Variants in TMCO1 observed in about 807,000 individuals in gnomAD.
TMCO1 encodes calcium load-activated calcium channel.
TMCO1 carries 29 observed loss-of-function variants against 29.3 expected under a neutral mutation model. The ratio of observed to expected loss-of-function variants is 0.99; its 90% CI spans 0.74 to 1.35. The LOEUF (loss-of-function observed/expected upper bound fraction) is 1.35. TMCO1 is among the 40% of genes most tolerant of loss of function. TMCO1 has a pLI of 0.00. For missense variants in TMCO1, 173 were observed against 225.5 expected, an observed-to-expected ratio of 0.77 and a Z score of 1.49; for synonymous variants, 80 against 77.1, an observed-to-expected ratio of 1.04 and a Z score of -0.20.
intron 6 of TMCO1, among the ~76,000 whole-genome samples, chr1:165,734,484 TTAAAATAAATTTCTATTC>T (rs1651291128): frequency 6.6e-6 from 1 of 152,150 alleles, no homozygotes; most frequent in Non-Finnish European, 1.5e-5. Flanking sequence ...TTTTTAATTT[TTAAAATAAATTTCTATTC>T]TTTTTTATTT....
chr1:165,748,616 C>T (rs1651888487), intron 5 of TMCO1, among the ~76,000 whole-genome samples: 1 of 152,056 alleles, frequency 6.6e-6, no homozygotes, highest in Admixed American at 6.6e-5. Context: ...GTTTGAATTC[C>T]TGGTGATGAG....
intron 3 of TMCO1, among the ~76,000 whole-genome samples, chr1:165,754,601 A>G (rs887779035): frequency 1.3e-5 from 2 of 152,214 alleles, no homozygotes; most frequent in Non-Finnish European, 2.9e-5. Context: ...GTATAACATA[A>G]TGATTGTACT....
At chr1:165,762,687 CT>C (rs763972624) in intron 2 of TMCO1, among the ~76,000 whole-genome samples, 15 of 152,168 alleles carry the variant, frequency 9.9e-5, no homozygotes, top group Non-Finnish European at 1.6e-4. Flanking sequence ...AAACACATTT[CT>C]GTCCATGATC....
chr1:165,736,550 G>A (rs917719474), intron 6 of TMCO1, among the ~76,000 whole-genome samples: 28 of 152,036 alleles, frequency 1.8e-4, no homozygotes, highest in Non-Finnish European at 2.5e-4. Context: ...GGTGAAACCC[G>A]CTCTCTCCTA....
Position 165,728,258 on chromosome 1 carries a change from C to A in TMCO1, c.469-137G>T, listed in dbSNP as rs530629454. 7.6e-5 allele frequency: 45 copies of A among 595,890 alleles called. No individual in the cohort carries two copies. In the East Asian group the frequency reaches 1.7e-3, roughly 23 times the overall value. 36.9% of individuals were successfully genotyped at this position (595,890 alleles called of 1,614,324 possible). A position where few individuals can be genotyped will look rare whatever the true frequency, so the allele number is the denominator to read the frequency against. ...TTATGACCTGCAATAGGATGATTAT[C>A]ACTTTTTTTTTTTTTTGAGATGGAG... On this transcript the variant is annotated intron_variant, in intron 6 of 6. Coordinates refer to ENST00000367881, the MANE Select transcript of TMCO1 (RefSeq NM_019026.6).
At chr1:165,741,332 C>T (rs939392041) in intron 6 of TMCO1, among the ~76,000 whole-genome samples, 11 of 152,138 alleles carry the variant, frequency 7.2e-5, no homozygotes, top group South Asian at 6.2e-4. Context: ...TTTTTTGCTA[C>T]ACTATTATAA....
intron 6 of TMCO1, among the ~76,000 whole-genome samples, chr1:165,730,176 A>AAG (rs1651090568): frequency 6.7e-6 from 1 of 148,586 alleles, no homozygotes; most frequent in Non-Finnish European, 1.5e-5. Flanking sequence ...ACACACACAA[A>AAG]AAAAAAAAAA....
At chr1:165,732,135 A>G (rs1651182599) in intron 6 of TMCO1, among the ~76,000 whole-genome samples, 1 of 152,168 alleles carries the variant, frequency 6.6e-6, no homozygotes, top group Non-Finnish European at 1.5e-5. Context: ...GCCACAGGTA[A>G]AAGGACCAGA....
chr1:165,760,715 C>T (rs961862242), intron 2 of TMCO1, among the ~76,000 whole-genome samples: 7 of 151,990 alleles, frequency 4.6e-5, no homozygotes, highest in Non-Finnish European at 7.4e-5. Context: ...GCAAGAGAAT[C>T]GCTTGAACCC....
chr1:165,747,267 CAAAAAAAAAA>C (rs137894882), intron 5 of TMCO1, among the ~76,000 whole-genome samples: 1 of 81,968 alleles, frequency 1.2e-5, no homozygotes, highest in African/African-American at 5.0e-5. Flanking sequence ...GGCTCTGTCT[CAAAAAAAAAA>C]AAAAAAAAAA....
upstream of TMCO1, chr1:165,768,877 G>T (rs746171712): frequency 7.1e-6 from 11 of 1,557,314 alleles, no homozygotes; most frequent in South Asian, 1.3e-4. Context: ...CTGACAGCCC[G>T]AAGATCGCAC....
downstream of TMCO1, chr1:165,724,559 C>G: frequency 2.2e-6 from 1 of 454,100 alleles, no homozygotes; most frequent in Non-Finnish European, 4.4e-6. Context: ...CCAGACTCCA[C>G]AGCAGACTTA....
In TMCO1 at chr1:165,734,635, A is replaced by G. The variant is rs557691311; in HGVS notation, c.469-6514T>C. ...AATTCTCTTCCTTAGCCTCCCAAGT[A>G]GCTGGGATTACAGGCGCCTGCCACC... On this transcript the variant is annotated intron_variant, in intron 6 of 6. Coordinates refer to ENST00000367881, the MANE Select transcript of TMCO1 (RefSeq NM_019026.6). Among the ~76,000 whole-genome samples, 45 of 152,162 alleles carry G rather than the reference A, an allele frequency of 3.0e-4. 1 individual carries two copies. The highest frequency in any genetic ancestry group is 1.1e-3 in the African/African-American group (44 of 41,510).
chr1:165,739,448 T>C (rs1651505946), intron 6 of TMCO1, among the ~76,000 whole-genome samples: 1 of 151,996 alleles, frequency 6.6e-6, no homozygotes, highest in Admixed American at 6.6e-5. Flanking sequence ...AGTGCAGTGA[T>C]GCAATCTCGG....
At chr1:165,732,429 C>A (rs1651201427) in intron 6 of TMCO1, among the ~76,000 whole-genome samples, 1 of 147,058 alleles carries the variant, frequency 6.8e-6, no homozygotes, top group African/African-American at 2.5e-5. Context: ...GTGTAACAGG[C>A]CTATTTTTTT....
At chr1:165,734,397 G>A (rs1651288873) in intron 6 of TMCO1, among the ~76,000 whole-genome samples, 1 of 152,082 alleles carries the variant, frequency 6.6e-6, no homozygotes, top group African/African-American at 2.4e-5. Flanking sequence ...AAATCTCAAT[G>A]TCCTTACTGT....
At chr1:165,729,602 G>C (rs960450849) in intron 6 of TMCO1, among the ~76,000 whole-genome samples, 1 of 152,154 alleles carries the variant, frequency 6.6e-6, no homozygotes, top group African/African-American at 2.4e-5. Flanking sequence ...TTACAGGCAT[G>C]AGCCACTGCG....
At chr1:165,765,314 T>C (rs1652528976) in intron 2 of TMCO1, among the ~76,000 whole-genome samples, 1 of 152,190 alleles carries the variant, frequency 6.6e-6, no homozygotes, top group African/African-American at 2.4e-5. Flanking sequence ...ACAAGAGTCT[T>C]GCACTGTTGG....
At chr1:165,748,691 A>G (rs1311160907) in intron 5 of TMCO1, among the ~76,000 whole-genome samples, 3 of 152,248 alleles carry the variant, frequency 2.0e-5, no homozygotes, top group Non-Finnish European at 4.4e-5. Context: ...ATTGGTTCCA[A>G]GTGAGTTTCA....
Sources: gnomAD v4.1 joint callset for allele counts (sites outside exome capture counted in the v4.1 genomes callset) on GRCh38, gnomAD v4.1.1 for gene constraint, MANE v1.5 for transcripts, NCBI Gene and HGNC (gene_info 2026-07-23, HGNC 2026-07-21) for gene names.